TNFAIP8: variants seen among roughly 807,000 people sequenced by gnomAD.
The protein encoded by TNFAIP8 is tumor necrosis factor alpha-induced protein 8.
A neutral mutation model predicts 13.3 loss-of-function variants in TNFAIP8; 7 were observed. The observed-to-expected ratio is 0.52, with a 90% CI of 0.30 to 0.99. TNFAIP8 has a LOEUF of 0.99. TNFAIP8 is among the 50% of genes least tolerant of loss of function. The pLI is 0.07. For synonymous variants in TNFAIP8, 94 were observed against 87.6 expected (o/e 1.07, Z -0.41); for missense variants, 258 against 236.9 (o/e 1.09, Z -0.58).
At chr5:119,338,946 C>T (rs1446849630) in intron 1 of TNFAIP8, among the ~76,000 whole-genome samples, 1 of 152,004 alleles carries the variant, frequency 6.6e-6, no homozygotes, top group Non-Finnish European at 1.5e-5. Context: ...ACTCAGGAGG[C>T]TTAGGCGGGA....
Position 119,393,106 on chromosome 5 carries a change from C to T in TNFAIP8, c.322C>T (p.Gln108Ter). Reference protein sequence around the residue: ...LMEKFKKKVHQLAMTVVSFHQ... With the variant: ...LMEKFKKKVH ...GGAGAAATTTAAGAAGAAAGTTCAT[C>T]AGCTTGCTATGACCGTGGTCAGTTT... Residue 108 changes from glutamine (Q) to a stop codon, truncating the protein, a stop_gained, in exon 2 of 2, where the codon CAG (glutamine) becomes TAG (stop). Transcript: ENST00000504771. LOFTEE classifies it high-confidence loss of function. 6.2e-7 allele frequency: 1 copy of T among 1,613,974 alleles called. No homozygotes were observed.
intron 1 of TNFAIP8, among the ~76,000 whole-genome samples, chr5:119,369,638 G>A (rs1450149232): frequency 6.6e-6 from 1 of 152,184 alleles, no homozygotes; most frequent in Admixed American, 6.5e-5. Context: ...TGGCCTCATT[G>A]TTTGGTTTTT....
intron 1 of TNFAIP8, among the ~76,000 whole-genome samples, chr5:119,327,720 A>G (rs943961749): frequency 2.4e-4 from 36 of 152,074 alleles, no homozygotes; most frequent in African/African-American, 8.5e-4. Context: ...CAGCCTCCCA[A>G]AGTGCTGGGA....
chr5:119,299,745 G>A (rs1331566022), intron 1 of TNFAIP8, among the ~76,000 whole-genome samples: 3 of 152,214 alleles, frequency 2.0e-5, no homozygotes. Context: ...GCCTCCTTGA[G>A]CTGTGGTGGG....
rs142579361 is a variant in TNFAIP8 at position 119,374,378 on chromosome 5, C to T, written c.31+18257C>T. Among the ~76,000 whole-genome samples, 927 of 152,254 alleles carry T rather than the reference C, an allele frequency of 6.1e-3. 13 individuals are homozygous for T. Among genetic ancestry groups the T allele is most frequent in the African/African-American group, 0.021 (888 of 41,538 alleles). Reference sequence around the variant, plus strand: ...GATTTTTAAATTTGAGATGCTCAACCTGTACCGATAGTAAATAGAAAACAA... The same window carrying T: ...GATTTTTAAATTTGAGATGCTCAACTTGTACCGATAGTAAATAGAAAACAA... On this transcript the variant is annotated intron_variant, in intron 1 of 1. Transcript: ENST00000504771.
chr5:119,380,673 T>A (rs1256400986), intron 1 of TNFAIP8, among the ~76,000 whole-genome samples: 1 of 152,248 alleles, frequency 6.6e-6, no homozygotes, highest in Non-Finnish European at 1.5e-5. Context: ...AAAGGATAGT[T>A]CACTAAGTTC....
At position 119,396,878 on chromosome 5, in the gene TNFAIP8, C is replaced by A. The variant is rs1753084678; in HGVS notation, c.*3497C>A. On this transcript the variant is annotated 3_prime_UTR_variant, in exon 2 of 2. Coordinates refer to ENST00000504771, the MANE Select transcript of TNFAIP8 (RefSeq NM_014350.4). ...ATGTGGTGGCAGGCACCTGTAATCCCAGCTACTTGGGAGGCTAAGGCAGGA... is the reference window on the plus strand; with the variant it reads ...ATGTGGTGGCAGGCACCTGTAATCCAAGCTACTTGGGAGGCTAAGGCAGGA... 1 of 151,248 alleles carries A rather than the reference C, an allele frequency of 6.6e-6. No homozygotes were observed. The highest frequency in any genetic ancestry group is 2.4e-5 in the African/African-American group (1 of 41,048). The allele number at this position is 151,248 out of a possible 1,614,324, so 9.4% of individuals were successfully genotyped here. A position where few individuals can be genotyped will look rare whatever the true frequency, so the allele number is the denominator to read the frequency against.
intron 1 of TNFAIP8, among the ~76,000 whole-genome samples, chr5:119,372,212 T>C (rs1279376468): frequency 6.6e-6 from 1 of 150,828 alleles, no homozygotes; most frequent in Non-Finnish European, 1.5e-5. Context: ...CCTGTAGTAC[T>C]AGCTACTCAG....
rs536702857 is a variant in TNFAIP8 at position 119,277,401 on chromosome 5, AT to A, written c.1+8504del. On this transcript the variant is annotated intron_variant, in intron 1 of 1. Transcript: ENST00000274456. ...GTGTAGACACAAGTTTCCATCAGGGATTTTTTTTTTGTCCTTCAGCCTGAAG... is the reference window on the plus strand; with the variant it reads ...GTGTAGACACAAGTTTCCATCAGGGATTTTTTTTTGTCCTTCAGCCTGAAG... Among the ~76,000 whole-genome samples the A allele has an allele frequency of 2.0e-3, 298 of 149,336 alleles. 1 individual carries two copies. The highest frequency in any genetic ancestry group is 3.4e-3 in the Middle Eastern group (1 of 290).
intron 1 of TNFAIP8, among the ~76,000 whole-genome samples, chr5:119,282,984 A>T (rs907518029): frequency 6.6e-6 from 1 of 152,044 alleles, no homozygotes; most frequent in Non-Finnish European, 1.5e-5. Flanking sequence ...TTGGCCAAAG[A>T]CTCTGCTGCT....
intron 1 of TNFAIP8, among the ~76,000 whole-genome samples, chr5:119,325,263 G>T (rs1170009468): frequency 6.6e-6 from 1 of 152,086 alleles, no homozygotes; most frequent in Non-Finnish European, 1.5e-5. Context: ...CCTGTAAGTG[G>T]TTCAAAGGGC....
chr5:119,298,241 G>C (rs1311691209), intron 1 of TNFAIP8, among the ~76,000 whole-genome samples: 2 of 151,786 alleles, frequency 1.3e-5, no homozygotes, highest in African/African-American at 2.4e-5. Context: ...GCAGTGGCTG[G>C]TACCGGTTGT....
chr5:119,296,338 A>G (rs76726892), intron 1 of TNFAIP8, among the ~76,000 whole-genome samples: 34,184 of 151,130 alleles, frequency 0.23, 8,055 homozygotes, highest in African/African-American at 0.61. Flanking sequence ...AGCATGAAGC[A>G]TTGTTGAATT....
rs182838997 is a variant in TNFAIP8, at chr5:119,350,266, T to G, written c.2-42550T>G. 9.3e-4 allele frequency among the ~76,000 whole-genome samples: 141 copies of G among 152,348 alleles called. 1 individual carries two copies. The highest frequency in any genetic ancestry group is 3.3e-3 in the African/African-American group (136 of 41,578). ...GCCAAACTTGAATGTGCCGCTACTA[T>G]GTTGAATTTACGTGAATGAAGTGCT... On this transcript the variant is annotated intron_variant, in intron 1 of 1. Transcript: ENST00000274456.
chr5:119,393,258 G>A lies in TNFAIP8; in HGVS notation c.474G>A (p.Val158=). The A allele has an allele frequency of 6.2e-7, 1 of 1,613,656 alleles. No individual in the cohort carries two copies. The highest frequency in any genetic ancestry group is 8.5e-7 in the Non-Finnish European group (1 of 1,179,802). Residue 158 remains valine (V), a synonymous_variant, in exon 2 of 2, where the codon GTG becomes GTA. Transcript: ENST00000504771. ...AGTCACATGGACGGGTTAATAATGT[G>A]TTTGATCATTTTTCAGATTGTGAAT... The part of the protein sequence containing the change: ...TAKSHGRVNN[V]FDHFSDCEFL...
chr5:119,302,964 C>T (rs1429001672), intron 1 of TNFAIP8, among the ~76,000 whole-genome samples: 1 of 152,092 alleles, frequency 6.6e-6, no homozygotes, highest in East Asian at 1.9e-4. Flanking sequence ...CAATTTCTGC[C>T]GTCATTCATT....
chr5:119,289,127 C>A (rs553283324), intron 1 of TNFAIP8, among the ~76,000 whole-genome samples: 2 of 152,302 alleles, frequency 1.3e-5, no homozygotes, highest in South Asian at 4.1e-4. Context: ...GGCCAGCTTA[C>A]CTGTTAGGAA....
intron 1 of TNFAIP8, among the ~76,000 whole-genome samples, chr5:119,307,612 A>G (rs1218903515): frequency 6.6e-6 from 1 of 152,174 alleles, no homozygotes; most frequent in Non-Finnish European, 1.5e-5. Flanking sequence ...CATATTTTTC[A>G]TTTTTTAACA....
intron 1 of TNFAIP8, among the ~76,000 whole-genome samples, chr5:119,309,822 C>T (rs57001486): frequency 0.14 from 21,901 of 152,202 alleles, 3,923 homozygotes; most frequent in African/African-American, 0.42. Context: ...ATTTAACATG[C>T]GGGCTCAAGA....
Sources: gnomAD v4.1 joint callset for allele counts (sites outside exome capture counted in the v4.1 genomes callset) on GRCh38, gnomAD v4.1.1 for gene constraint, MANE v1.5 for transcripts, NCBI Gene and HGNC (gene_info 2026-07-23, HGNC 2026-07-21) for gene names.